Variants in MUC22 observed in about 807,000 individuals in gnomAD.
MUC22 encodes mucin-22.
MUC22 carries 24 observed loss-of-function variants against 40.3 expected under a neutral mutation model. The observed-to-expected ratio is 0.60, with a 90% confidence interval of 0.43 to 0.84. The LOEUF (loss-of-function observed/expected upper bound fraction) is 0.84, where lower values mean the gene tolerates loss of function less well. MUC22 is among the 40% of genes least tolerant of loss of function. The probability of loss-of-function intolerance (pLI) is 0.00; values close to 1 mark genes in which losing one functional copy is unlikely to be tolerated. For missense variants in MUC22, 1,926 were observed against 2,130.7 expected, an observed-to-expected ratio of 0.90 and a Z score of 1.89; for synonymous variants, 765 against 844.5, an observed-to-expected ratio of 0.91 and a Z score of 1.63.
chr6:31,028,104 A>T, exon 2 of MUC22: 1 of 1,534,290 alleles, frequency 6.5e-7, no homozygotes, highest in Non-Finnish European at 8.7e-7. Flanking sequence ...CCTCTACTGA[A>T]GGCTCTGAGA....
chr6:31,018,055 C>T (rs1764374046), intron 1 of MUC22, among the ~76,000 whole-genome samples: 1 of 152,252 alleles, frequency 6.6e-6, no homozygotes, highest in Admixed American at 6.5e-5. Context: ...ACTCAGGACA[C>T]ACCACTTGTA....
At chr6:31,026,466 T>C in exon 2 of MUC22, 1 of 1,506,668 alleles carries the variant, frequency 6.6e-7, no homozygotes. Context: ...TGGCAGGCTC[T>C]GAGACCACCG....
chr6:31,035,291 C>A, exon 4 of MUC22: 1 of 280,836 alleles, frequency 3.6e-6, no homozygotes, highest in East Asian at 6.4e-5. Flanking sequence ...TCCCATTTCC[C>A]GCCACATCAG....
intron 1 of MUC22, among the ~76,000 whole-genome samples, chr6:31,015,732 G>A (rs1457542987): frequency 6.6e-6 from 1 of 152,108 alleles, no homozygotes; most frequent in Non-Finnish European, 1.5e-5. Flanking sequence ...TTTTTATTCT[G>A]GAGGATTTCA....
chr6:31,020,672 G>A (rs1484769507), intron 1 of MUC22, among the ~76,000 whole-genome samples: 2 of 152,132 alleles, frequency 1.3e-5, no homozygotes, highest in African/African-American at 4.8e-5. Context: ...TCCCTTTCTG[G>A]GCTGGCCGAG....
exon 2 of MUC22, chr6:31,025,588 A>G (rs1357715753): frequency 4.6e-6 from 7 of 1,523,074 alleles, no homozygotes; most frequent in South Asian, 2.4e-5. Flanking sequence ...GGCCTCCACC[A>G]TGGCCTCTAC....
intron 1 of MUC22, among the ~76,000 whole-genome samples, chr6:31,013,654 G>A (rs987466383): frequency 2.0e-5 from 3 of 152,022 alleles, no homozygotes; most frequent in Non-Finnish European, 2.9e-5. Context: ...TGGCATTTAC[G>A]TTCATACTGC....
rs538365459 is a variant in MUC22, at chr6:31,025,407, T to C, written c.71-95T>C. ...CTCAATAACTGAATAAATAAATGAATAAGAAGTACTGAGTATATGTGAAAG... is the reference window on the plus strand; with the variant it reads ...CTCAATAACTGAATAAATAAATGAACAAGAAGTACTGAGTATATGTGAAAG... On this transcript the variant is annotated intron_variant, in intron 1 of 3. Coordinates refer to ENST00000561890, the Ensembl canonical transcript of MUC22. 3.8e-6 allele frequency: 5 copies of C among 1,313,990 alleles called. No individual in the cohort carries two copies. The East Asian group carries it at 1.0e-4, about 27-fold the overall frequency. The allele number at this position is 1,313,990 out of a possible 1,614,324, so 81.4% of individuals were successfully genotyped here.
chr6:31,017,954 T>C (rs990414086), intron 1 of MUC22, among the ~76,000 whole-genome samples: 20 of 152,234 alleles, frequency 1.3e-4, no homozygotes, highest in African/African-American at 4.6e-4. Context: ...TAACACTCAC[T>C]GCGAAAATCT....
chr6:31,011,277 T>C lies in MUC22; in HGVS notation c.70+501T>C, dbSNP rs1254848539. On this transcript the variant is annotated intron_variant, in intron 1 of 3. Transcript: ENST00000561890. This position sits in a 1 kb window ranked among gnomAD's most constrained non-coding sequence, Gnocchi z 4.5. ...TGCTTTATTGGTGAATTGTGAGACT[T>C]TGGTGCACCCGTCACCAAGCAGTGT... Among the ~76,000 whole-genome samples, 1 of 151,734 alleles carries C rather than the reference T, an allele frequency of 6.6e-6. No individual in the cohort carries two copies. The highest frequency in any genetic ancestry group is 1.5e-5 in the Non-Finnish European group (1 of 67,812).
intron 1 of MUC22, among the ~76,000 whole-genome samples, chr6:31,017,569 C>G (rs1764319731): frequency 6.6e-6 from 1 of 152,140 alleles, no homozygotes. Flanking sequence ...AATCAGCACC[C>G]TGTGTCTCGC....
At chr6:31,021,958 G>T (rs374756987) in intron 1 of MUC22, among the ~76,000 whole-genome samples, 1 of 152,020 alleles carries the variant, frequency 6.6e-6, no homozygotes, top group Non-Finnish European at 1.5e-5. Context: ...CACCGTAAAG[G>T]TCTGCAGCTT....
chr6:31,008,894 T>C (rs1027596602), upstream of MUC22, among the ~76,000 whole-genome samples: 3 of 152,108 alleles, frequency 2.0e-5, no homozygotes, highest in Non-Finnish European at 2.9e-5. Context: ...TGAGGTAAAA[T>C]AGACAAAAAT....
At chr6:31,018,455 C>A (rs1175447558) in intron 1 of MUC22, among the ~76,000 whole-genome samples, 1 of 152,192 alleles carries the variant, frequency 6.6e-6, no homozygotes, top group Non-Finnish European at 1.5e-5. Context: ...CCAATGGAGG[C>A]CTGTATGTTG....
Position 31,010,622 on chromosome 6 carries a change from G to T in MUC22, c.-85G>T, listed in dbSNP as rs534441082. ...TTTTCTATCAAGGCCCAGGGGGTTT[G>T]CCCCTTGTCTCTCTGCCTCTTTGAC... On this transcript the variant is annotated 5_prime_UTR_variant, in exon 1 of 4. Coordinates refer to ENST00000561890, the Ensembl canonical transcript of MUC22. The T allele has an allele frequency of 1.4e-4, 97 of 693,814 alleles. No individual in the cohort carries two copies. The African/African-American group carries it at 1.4e-3, about 10-fold the overall frequency. The allele number at this position is 693,814 out of a possible 1,614,324, so 43.0% of individuals were successfully genotyped here. A position where few individuals can be genotyped will look rare whatever the true frequency, so the allele number is the denominator to read the frequency against.
At chr6:31,012,929 G>A (rs1458062522) in intron 1 of MUC22, among the ~76,000 whole-genome samples, 1 of 151,936 alleles carries the variant, frequency 6.6e-6, no homozygotes, top group Non-Finnish European at 1.5e-5. Context: ...CCAAGGAGAC[G>A]ATTAAAAACT....
At chr6:31,024,999 A>G (rs950460084) in intron 1 of MUC22, among the ~76,000 whole-genome samples, 16 of 151,596 alleles carry the variant, frequency 1.1e-4, no homozygotes, top group African/African-American at 3.9e-4. Context: ...CCTCCTGAAT[A>G]GCTGGGATTA....
At chr6:31,015,002 T>C (rs1459799592) in intron 1 of MUC22, among the ~76,000 whole-genome samples, 1 of 152,030 alleles carries the variant, frequency 6.6e-6, no homozygotes, top group Admixed American at 6.5e-5. Context: ...TCTTTCCTTT[T>C]ATTGGGTTTC....
upstream of MUC22, chr6:31,010,344 G>T: frequency 4.3e-6 from 1 of 230,578 alleles, no homozygotes; most frequent in Non-Finnish European, 8.6e-6. Flanking sequence ...GATTCCTGTA[G>T]GGTACATCTC....
Sources: gnomAD v4.1 joint callset for allele counts (sites outside exome capture counted in the v4.1 genomes callset) on GRCh38, gnomAD v4.1.1 for gene constraint, Gnocchi (gnomAD v3.1) non-coding constraint, MANE v1.5 for transcripts, NCBI Gene and HGNC (gene_info 2026-07-23, HGNC 2026-07-21) for gene names.